Variants in FBXO34 observed in about 807,000 individuals in gnomAD.
FBXO34 encodes F-box protein 34.
A neutral mutation model predicts 24.5 loss-of-function variants in FBXO34; 12 were observed. The observed-to-expected ratio is 0.49, with a 90% CI of 0.31 to 0.79. The LOEUF is 0.79. Ranked by LOEUF, FBXO34 falls within the 30% of genes least tolerant of loss-of-function variation. The pLI is 0.04. For synonymous variants in FBXO34, 320 were observed against 311.9 expected, an observed-to-expected ratio of 1.03 and a Z score of -0.27; for missense variants, 823 against 857.7, an observed-to-expected ratio of 0.96 and a Z score of 0.51.
rs1354362449 is a variant in FBXO34, at chr14:55,353,008, C to G, written c.*482C>G. 5.8e-6 allele frequency: 1 copy of G among 172,640 alleles called. No homozygotes were observed. Among genetic ancestry groups the G allele is most frequent in the African/African-American group, 2.4e-5 (1 of 41,456 alleles). The allele number at this position is 172,640 out of a possible 1,614,324, so 10.7% of individuals were successfully genotyped here. On this transcript the variant is annotated 3_prime_UTR_variant, in exon 2 of 2. Coordinates refer to ENST00000313833, the MANE Select transcript of FBXO34 (RefSeq NM_017943.4). ...TAAAAAGAAAAGTCAGGCACCCCAC[C>G]TTAGACCTCGTATGCTTGATCCTGT...
At chr14:55,320,915 T>C (rs2140022154) in intron 1 of FBXO34, among the ~76,000 whole-genome samples, 1 of 152,310 alleles carries the variant, frequency 6.6e-6, no homozygotes, top group South Asian at 2.1e-4. Flanking sequence ...CCAATGTGGA[T>C]TAAATCATAA....
rs1223685331 is a variant in FBXO34, at chr14:55,321,164, G to T, written c.-10-29217G>T. ...TGTAAAAGCAAGGCTGATATGGGCG[G>T]TTTTTTTTTTTTTTAATTCAGTGAC... On this transcript the variant is annotated intron_variant, in intron 1 of 1. Transcript: ENST00000313833. Among the ~76,000 whole-genome samples the T allele has an allele frequency of 2.2e-3, 305 of 140,902 alleles. 1 individual carries two copies. Among genetic ancestry groups the T allele is most frequent in the African/African-American group, 7.2e-3 (279 of 38,698 alleles). The allele number at this position is 140,902 out of a possible 152,430, so 92.4% of individuals were successfully genotyped here.
chr14:55,299,243 A>C (rs1216049000), intron 1 of FBXO34: 1 of 833,514 alleles, frequency 1.2e-6, no homozygotes, highest in African/African-American at 1.7e-5. Flanking sequence ...CGACGACATG[A>C]AGGATTTGGA....
intron 1 of FBXO34, among the ~76,000 whole-genome samples, chr14:55,291,189 A>G (rs1881934296): frequency 6.6e-6 from 1 of 152,160 alleles, no homozygotes; most frequent in Non-Finnish European, 1.5e-5. Flanking sequence ...GAGTATTTGC[A>G]GTTGGACAAT....
In FBXO34 at chr14:55,350,491, A is replaced by G; in HGVS notation, c.101A>G (p.Asn34Ser). 6.2e-7 allele frequency: 1 copy of G among 1,614,006 alleles called. No homozygotes were observed. Among genetic ancestry groups the G allele is most frequent in the Non-Finnish European group, 8.5e-7 (1 of 1,179,998 alleles). ...CCTATGAACCACCAAAAGGCTGTAAATGATGAAACATGCAAAGCTAGCCAC... is the reference window on the plus strand; with the variant it reads ...CCTATGAACCACCAAAAGGCTGTAAGTGATGAAACATGCAAAGCTAGCCAC... ...RTPMNHQKAV[N>S]DETCKASHIT... The change falls in exon 2 of 2, where the codon AAT (asparagine) becomes AGT (serine). Residue 34 changes from asparagine to serine, a missense_variant. By Grantham distance (46) the Asn-to-Ser change is conservative. This residue lies in a region of FBXO34 where 693 missense variants were observed against 659.1 expected (regional missense o/e 1.05). Transcript: ENST00000313833.
chr14:55,365,004 A>G (rs1884648453), downstream of FBXO34, among the ~76,000 whole-genome samples: 1 of 149,714 alleles, frequency 6.7e-6, no homozygotes, highest in South Asian at 2.1e-4. Flanking sequence ...GCAGATCACG[A>G]GATCAGGAGA....
At chr14:55,295,743 A>G (rs375186134) in intron 1 of FBXO34, among the ~76,000 whole-genome samples, 4 of 152,326 alleles carry the variant, frequency 2.6e-5, no homozygotes, top group African/African-American at 9.6e-5. Flanking sequence ...TTGATTATTC[A>G]TTAAACACCT....
chr14:55,348,343 C>T (rs576667626), intron 1 of FBXO34, among the ~76,000 whole-genome samples: 1 of 152,020 alleles, frequency 6.6e-6, no homozygotes, highest in African/African-American at 2.4e-5. Context: ...ATCCTTCTGC[C>T]TCAACCACCC....
rs1385395955 is a variant in FBXO34 at position 55,331,687 on chromosome 14, GTATATATATATATATATGTA to G, written c.-10-18684_-10-18665del. On this transcript the variant is annotated intron_variant, in intron 1 of 1. Transcript: ENST00000313833. Reference sequence around the variant, plus strand: ...ATGGTGTGTGTATATATATATATGTGTATATATATATATATATGTATATATATATGTATATATATATGTAT... The same window carrying G: ...ATGGTGTGTGTATATATATATATGTGTATATATATGTATATATATATGTAT... Among the ~76,000 whole-genome samples, 3 of 28,896 alleles carry G rather than the reference GTATATATATATATATATGTA, an allele frequency of 1.0e-4. 1 individual carries two copies. The highest frequency in any genetic ancestry group is 1.7e-4 in the Non-Finnish European group (3 of 17,422). 19.0% of individuals were successfully genotyped at this position (28,896 alleles called of 152,430 possible). A position where few individuals can be genotyped will look rare whatever the true frequency, so the allele number is the denominator to read the frequency against.
chr14:55,331,703 A>ATG lies in FBXO34; in HGVS notation c.-10-18676_-10-18675dup, dbSNP rs1231154252. On this transcript the variant is annotated intron_variant, in intron 1 of 1. Coordinates refer to ENST00000313833, the MANE Select transcript of FBXO34 (RefSeq NM_017943.4). The stretch of plus-strand genomic sequence containing the variant: ...TATATATGTGTATATATATATATAT[A>ATG]TGTATATATATATGTATATATATAT... Among the ~76,000 whole-genome samples the ATG allele has an allele frequency of 4.7e-5, 3 of 63,204 alleles. 1 individual carries two copies. The highest frequency in any genetic ancestry group is 7.4e-5 in the Non-Finnish European group (3 of 40,490). 41.5% of individuals were successfully genotyped at this position (63,204 alleles called of 152,430 possible). A position where few individuals can be genotyped will look rare whatever the true frequency, so the allele number is the denominator to read the frequency against.
intron 1 of FBXO34, chr14:55,272,001 C>T (rs941540082): frequency 6.6e-6 from 1 of 152,298 alleles, no homozygotes; most frequent in Non-Finnish European, 1.5e-5. Flanking sequence ...TGGCGCTTGT[C>T]CTTAACCTTC....
Position 55,350,905 on chromosome 14 carries a change from G to A in FBXO34, c.515G>A (p.Ser172Asn). The change falls in exon 2 of 2, where the codon AGC becomes AAC. Residue 172 changes from serine (S) to asparagine (N), a missense_variant. Around this residue, in one of 2 missense-constraint regions of FBXO34, gnomAD observed 693 missense variants for 659.1 expected, o/e 1.05. Transcript: ENST00000313833. ...VQVERMREVN[S>N]RCYQPEPFAC... ...GTGGAAAGGATGAGGGAGGTTAACA[G>A]CAGGTGCTACCAACCTGAGCCTTTT... 1 of 1,613,860 alleles carries A rather than the reference G, an allele frequency of 6.2e-7. No individual in the cohort carries two copies. Among genetic ancestry groups the A allele is most frequent in the Non-Finnish European group, 8.5e-7 (1 of 1,179,902 alleles).
chr14:55,392,464 A>G, the FBXO34 span, among the ~76,000 whole-genome samples: 1 of 152,146 alleles, frequency 6.6e-6, no homozygotes, highest in East Asian at 1.9e-4. Flanking sequence ...CCTGGGCAAC[A>G]TGGCGAAACC....
At chr14:55,390,761 T>C in the FBXO34 span, 67 of 605,314 alleles carry the variant, frequency 1.1e-4, no homozygotes, top group Middle Eastern at 2.6e-4. Context: ...ACAAATGTTT[T>C]ACAAGGAAAG....
intron 1 of FBXO34, among the ~76,000 whole-genome samples, chr14:55,309,235 A>G (rs915337126): frequency 2.0e-5 from 3 of 152,138 alleles, no homozygotes; most frequent in Admixed American, 6.5e-5. Flanking sequence ...AAATATTCCT[A>G]TGAATACAGA....
Position 55,351,212 on chromosome 14 carries a change from C to A in FBXO34, c.822C>A (p.Ser274Arg). 1 of 1,614,138 alleles carries A rather than the reference C, an allele frequency of 6.2e-7. No individual in the cohort carries two copies. Among genetic ancestry groups the A allele is most frequent in the Non-Finnish European group, 8.5e-7 (1 of 1,180,032 alleles). The part of the protein sequence containing the change: ...RGNLEVGEPQ[S>R]EPVRVLDMVA... Reference sequence around the variant, plus strand: ...ATCTTGAGGTTGGTGAACCACAGAGCGAACCAGTCCGTGTCCTTGACATGG... The same window carrying A: ...ATCTTGAGGTTGGTGAACCACAGAGAGAACCAGTCCGTGTCCTTGACATGG... Residue 274 changes from serine to arginine, a missense_variant, in exon 2 of 2, where the codon AGC becomes AGA. By Grantham distance (110) the Ser-to-Arg change is moderately radical. Around this residue, in one of 2 missense-constraint regions of FBXO34, gnomAD observed 693 missense variants for 659.1 expected, o/e 1.05. Coordinates refer to ENST00000313833, the MANE Select transcript of FBXO34 (RefSeq NM_017943.4).
chr14:55,370,727 A>G (rs552485806), downstream of FBXO34, among the ~76,000 whole-genome samples: 21 of 150,492 alleles, frequency 1.4e-4, no homozygotes, highest in Non-Finnish European at 2.4e-4. Flanking sequence ...TGCAACCTCC[A>G]CCGCCCAGGT....
the FBXO34 span, among the ~76,000 whole-genome samples, chr14:55,429,583 A>T: frequency 6.6e-6 from 1 of 152,042 alleles, no homozygotes; most frequent in Non-Finnish European, 1.5e-5. Flanking sequence ...GGCCAACATG[A>T]TGAAACGCTG....
rs1276793015 is a variant in FBXO34 at position 55,351,838 on chromosome 14, T to G, written c.1448T>G (p.Phe483Cys). Reference protein sequence around the residue: ...SCEDPVPGMLFFLPPGQHLSD... With the variant: ...SCEDPVPGMLCFLPPGQHLSD... ...GAAGACCCAGTTCCAGGGATGTTGT[T>G]TTTTTTGCCACCTGGTCAGCACTTG... The change falls in exon 2 of 2, where the codon TTT becomes TGT. Residue 483 changes from phenylalanine to cysteine, a missense_variant. This residue lies in a region of FBXO34 where 693 missense variants were observed against 659.1 expected (regional missense o/e 1.05). Coordinates refer to ENST00000313833, the MANE Select transcript of FBXO34 (RefSeq NM_017943.4). 6.2e-7 allele frequency: 1 copy of G among 1,614,192 alleles called. No individual in the cohort carries two copies. Among genetic ancestry groups the G allele is most frequent in the East Asian group, 2.2e-5 (1 of 44,888 alleles).
Sources: gnomAD v4.1 joint callset for allele counts (sites outside exome capture counted in the v4.1 genomes callset) on GRCh38, gnomAD v4.1.1 for gene constraint, gnomAD v4.1.1 regional missense constraint, MANE v1.5 for transcripts, NCBI Gene and HGNC (gene_info 2026-07-23, HGNC 2026-07-21) for gene names.